The following CCDC112 variants were observed in gnomAD, a reference collection of about 807,000 sequenced individuals.
CCDC112 encodes the protein coiled-coil domain-containing protein 112.
CCDC112 carries 40 observed loss-of-function variants against 66.3 expected under a neutral mutation model. That is an observed-to-expected ratio of 0.60 (90% CI 0.47 to 0.79). The LOEUF (loss-of-function observed/expected upper bound fraction) is 0.79, where lower values mean the gene tolerates loss of function less well. CCDC112 is among the 30% of genes least tolerant of loss of function. The pLI is 0.00. For synonymous variants in CCDC112, 214 were observed against 197.2 expected, an observed-to-expected ratio of 1.09 and a Z score of -0.71; for missense variants, 659 against 603.8, an observed-to-expected ratio of 1.09 and a Z score of -0.96.
intron 2 of CCDC112, 79 bp downstream of exon 2, chr5:115,284,708 G>A (rs1196470648): frequency 1.8e-6 from 2 of 1,134,168 alleles, no homozygotes; most frequent in East Asian, 2.5e-5. Context: ...GCCTAGGTAG[G>A]GTAGAGTAGA....
chr5:115,277,502 C>T (rs1749258202), intron 3 of CCDC112, among the ~76,000 whole-genome samples: 1 of 152,212 alleles, frequency 6.6e-6, no homozygotes, highest in African/African-American at 2.4e-5. Context: ...TGAGAAACTT[C>T]CCATTGAGAA....
intron 8 of CCDC112, among the ~76,000 whole-genome samples, chr5:115,269,252 A>G (rs537620047): frequency 3.1e-4 from 47 of 151,958 alleles, no homozygotes; most frequent in Non-Finnish European, 4.9e-4. Context: ...TTCTATTTCT[A>G]TTATGAGAGA....
intron 1 of CCDC112, among the ~76,000 whole-genome samples, chr5:115,292,376 G>GTCT (rs75185681): frequency 4.6e-5 from 7 of 151,948 alleles, no homozygotes; most frequent in Non-Finnish European, 8.8e-5. Flanking sequence ...TTTCTTTAAA[G>GTCT]ATTTCTATTT....
At position 115,283,136 on chromosome 5, in the gene CCDC112, C is replaced by A. The variant is rs144306916; in HGVS notation, c.239+1651G>T. On this transcript the variant is annotated intron_variant, in intron 2 of 9. Transcript: ENST00000379611. Reference sequence around the variant, plus strand: ...TTAAAGAACTGTATTTTTTCAAATTCTGAATACTAAAGATATATGTATTAG... The same window carrying A: ...TTAAAGAACTGTATTTTTTCAAATTATGAATACTAAAGATATATGTATTAG... Among the ~76,000 whole-genome samples the A allele has an allele frequency of 1.5e-3, 226 of 152,048 alleles. 1 individual carries two copies. Among genetic ancestry groups the A allele is most frequent in the African/African-American group, 5.1e-3 (212 of 41,520 alleles).
intron 6 of CCDC112, among the ~76,000 whole-genome samples, chr5:115,272,560 G>A (rs1001154831): frequency 1.1e-4 from 17 of 152,156 alleles, no homozygotes; most frequent in African/African-American, 2.7e-4. Context: ...TAGTGCTTCC[G>A]AAGTATGTAT....
intron 9 of CCDC112, 144 bp downstream of exon 9, chr5:115,268,737 TA>T (rs969137917): frequency 8.2e-4 from 206 of 252,678 alleles, no homozygotes; most frequent in Non-Finnish European, 1.2e-3. Flanking sequence ...AAGATTTAGG[TA>T]AAAAACATTT....
chr5:115,271,314 G>A lies in CCDC112; in HGVS notation c.1231C>T (p.Gln411Ter). The change falls in exon 7 of 10, where the codon CAG becomes TAG. Residue 411 changes from glutamine to a stop codon, truncating the protein, a stop_gained. Transcript: ENST00000379611. LOFTEE classifies it high-confidence loss of function. ...TTTTCAAGCCTCAAAAATTCTTCCT[G>A]TTCTTTCTTCTGCTGGGTATAACTT... ...LESYTQQKKEQEEFLRLEKEI... is the reference protein window; with the variant it reads ...LESYTQQKKE 1 of 1,612,194 alleles carries A rather than the reference G, an allele frequency of 6.2e-7. No homozygotes were observed. The highest frequency in any genetic ancestry group is 8.5e-7 in the Non-Finnish European group (1 of 1,179,600).
intron 2 of CCDC112, among the ~76,000 whole-genome samples, 177 bp from the exon 3 acceptor site, chr5:115,279,945 G>A (rs995872976): frequency 3.9e-5 from 6 of 152,172 alleles, no homozygotes; most frequent in Non-Finnish European, 8.8e-5. Flanking sequence ...ATAATAGCTA[G>A]AAGAGTTAAT....
intron 2 of CCDC112, among the ~76,000 whole-genome samples, chr5:115,283,232 T>A (rs909316009): frequency 7.9e-5 from 12 of 152,120 alleles, no homozygotes; most frequent in Non-Finnish European, 1.6e-4. Context: ...CTAGATCTTT[T>A]CTATTTTATA....
At chr5:115,286,294 T>A (rs1749672402) in intron 1 of CCDC112, among the ~76,000 whole-genome samples, 1 of 152,236 alleles carries the variant, frequency 6.6e-6, no homozygotes, top group African/African-American at 2.4e-5. Context: ...AATGGGCTCA[T>A]ACAATGTGTA....
rs753610371 is a variant in CCDC112 at position 115,279,720 on chromosome 5, T to C, written c.288A>G (p.Lys96=). The change falls in exon 3 of 10, where the codon AAA becomes AAG. Residue 96 remains lysine, a synonymous_variant. Transcript: ENST00000379611. The part of the protein sequence containing the change: ...KDKHSHFYNQ[K]SDFRIEHSML... ...TACTATGCTCAATTCTGAAGTCACT[T>C]TTTTGGTTGTAGAAATGACTGTGTT... is the stretch of plus-strand genomic sequence containing the variant. The C allele has an allele frequency of 6.3e-7, 1 of 1,591,490 alleles. No individual in the cohort carries two copies. The highest frequency in any genetic ancestry group is 1.1e-5 in the South Asian group (1 of 90,528).
Position 115,284,792 on chromosome 5 carries a change from T to C in CCDC112, c.234A>G (p.Lys78=). 6.3e-7 allele frequency: 1 copy of C among 1,598,848 alleles called. No individual in the cohort carries two copies. Among genetic ancestry groups the C allele is most frequent in the Non-Finnish European group, 8.6e-7 (1 of 1,166,610 alleles). ...GATTATATTCTTATACTTACTGATT[T>C]TTAAATTTTTCTGCTGTGCGTACAA... ...AEFVRTAEKF[K]NQVINMEKDK... The change falls in exon 2 of 10, where the codon AAA becomes AAG. Residue 78 remains lysine, a synonymous_variant. Transcript: ENST00000379611.
At chr5:115,277,746 C>T (rs1380081571) in intron 3 of CCDC112, among the ~76,000 whole-genome samples, 1 of 152,010 alleles carries the variant, frequency 6.6e-6, no homozygotes, top group Non-Finnish European at 1.5e-5. Context: ...ATAAAGGATT[C>T]TTCTTTCATA....
At position 115,296,563 on chromosome 5, in the gene CCDC112, C is replaced by T. The variant is rs749783028; in HGVS notation, c.-20G>A. ...GGCCATGTTTACCCGCCGAGCTACT[C>T]GGGCCGCGGCGGCCACCGGTGCCTG... On this transcript the variant is annotated 5_prime_UTR_variant, in exon 1 of 10. Transcript: ENST00000379611. The T allele has an allele frequency of 2.8e-6, 4 of 1,448,896 alleles. No homozygotes were observed. In the African/African-American group the frequency reaches 4.4e-5, roughly 16 times the overall value. 89.8% of individuals were successfully genotyped at this position (1,448,896 alleles called of 1,614,324 possible). A position where few individuals can be genotyped will look rare whatever the true frequency, so the allele number is the denominator to read the frequency against.
chr5:115,294,223 T>C lies in CCDC112; in HGVS notation c.117+2204A>G, dbSNP rs138287557. On this transcript the variant is annotated intron_variant, in intron 1 of 9. Coordinates refer to ENST00000379611, the MANE Select transcript of CCDC112 (RefSeq NM_001040440.3). ...TTACTCCAAAGTAATTTAAAGACAC[T>C]GTGATGGACTGAATTGTGTTCCCTC... is the stretch of plus-strand genomic sequence containing the variant. Among the ~76,000 whole-genome samples, 897 of 152,356 alleles carry C rather than the reference T, an allele frequency of 5.9e-3. 4 individuals carry two copies. The highest frequency in any genetic ancestry group is 8.7e-3 in the Non-Finnish European group (589 of 68,034).
At chr5:115,274,175 G>T (rs546121928) in intron 6 of CCDC112, among the ~76,000 whole-genome samples, 2 of 152,092 alleles carry the variant, frequency 1.3e-5, no homozygotes, top group Non-Finnish European at 2.9e-5. Context: ...CCCCTCCAGT[G>T]GACAACTGGC....
chr5:115,273,331 C>A (rs2127053508), intron 6 of CCDC112, among the ~76,000 whole-genome samples: 1 of 152,270 alleles, frequency 6.6e-6, no homozygotes, highest in Admixed American at 6.5e-5. Context: ...ATAATATCTT[C>A]ACTTATTAAA....
At chr5:115,295,006 A>G (rs1750089040) in intron 1 of CCDC112, among the ~76,000 whole-genome samples, 1 of 152,246 alleles carries the variant, frequency 6.6e-6, no homozygotes, top group African/African-American at 2.4e-5. Context: ...CAATCTCAGC[A>G]CTACTAACTT....
intron 1 of CCDC112, among the ~76,000 whole-genome samples, chr5:115,295,496 A>G (rs1039529783): frequency 1.1e-4 from 17 of 152,216 alleles, no homozygotes; most frequent in African/African-American, 3.1e-4. Flanking sequence ...CTGAAGGTCT[A>G]CGAGTAAAGA....
Sources: allele counts gnomAD v4.1 joint callset (sites outside exome capture counted in the v4.1 genomes callset), GRCh38; gene constraint gnomAD v4.1.1; transcripts MANE v1.5; gene names NCBI Gene and HGNC (gene_info 2026-07-23, HGNC 2026-07-21).